The following EML6 variants were observed in gnomAD, a reference collection of about 807,000 sequenced individuals.
EML6 encodes EMAP like 6, also known as echinoderm microtubule-associated protein-like 6.
In EML6, 154 loss-of-function variants were observed where a neutral mutation model predicts 240.1. The observed-to-expected ratio is 0.64, with a 90% CI of 0.56 to 0.73. The LOEUF is 0.73. Among genes scored for constraint, EML6 ranks in the 30% least tolerant of loss-of-function variants. EML6 has a pLI of 0.00. For missense variants in EML6, 2,964 were observed against 2,474.6 expected (o/e 1.20, Z -4.20); for synonymous variants, 1,148 against 899.0 (o/e 1.28, Z -4.95).
intron 2 of EML6, among the ~76,000 whole-genome samples, chr2:54,736,400 C>G (rs78186341): frequency 0.011 from 1,731 of 152,290 alleles, 36 homozygotes; most frequent in African/African-American, 0.04. Context: ...TGCATGGGCT[C>G]TGTCTCTAAC....
chr2:54,725,165 A>T lies in EML6; in HGVS notation c.104A>T (p.Glu35Val), dbSNP rs1682850991. 1 of 1,533,064 alleles carries T rather than the reference A, an allele frequency of 6.5e-7. No individual in the cohort carries two copies. Among genetic ancestry groups the T allele is most frequent in the Non-Finnish European group, 8.8e-7 (1 of 1,137,996 alleles). 95.0% of individuals were successfully genotyped at this position (1,533,064 alleles called of 1,614,324 possible). The change falls in exon 2 of 42, where the codon GAG (glutamate) becomes GTG (valine). Residue 35 changes from glutamate (E) to valine (V), a missense_variant. Physicochemically the swap from Glu to Val is moderately radical, Grantham distance 121 (BLOSUM62 -2). Coordinates refer to ENST00000356458, the MANE Select transcript of EML6 (RefSeq NM_001039753.4). This position sits in a 1 kb window ranked among gnomAD's most constrained non-coding sequence, Gnocchi z 4.3. The stretch of plus-strand genomic sequence containing the variant: ...AACCTGTACTACACGGCAGGCAAGG[A>T]GGTGGTCTACTTTGTGGCTGGGGTC... ...RNNLYYTAGK[E>V]VVYFVAGVGV...
intron 34 of EML6, 108 bp downstream of exon 34, chr2:54,959,369 T>A (rs1055617695): frequency 1.0e-5 from 11 of 1,088,578 alleles, no homozygotes; most frequent in Non-Finnish European, 1.4e-5. Flanking sequence ...TCCTCCTATC[T>A]TTTTTGCATT....
intron 2 of EML6, among the ~76,000 whole-genome samples, chr2:54,762,545 AT>A (rs1668023301): frequency 6.6e-6 from 1 of 152,134 alleles, no homozygotes; most frequent in Non-Finnish European, 1.5e-5. Flanking sequence ...TCCGTTGCTA[AT>A]TTATGTCTGA....
intron 6 of EML6, 89 bp from the exon 7 acceptor site, chr2:54,829,253 T>G (rs941976774): frequency 7.7e-7 from 1 of 1,299,240 alleles, no homozygotes; most frequent in Admixed American, 2.6e-5. Flanking sequence ...GTTTTTGACT[T>G]GCTATGTTTT....
intron 6 of EML6, among the ~76,000 whole-genome samples, 162 bp from the exon 7 acceptor site, chr2:54,829,180 G>T (rs1324109115): frequency 6.6e-6 from 1 of 152,186 alleles, no homozygotes; most frequent in Non-Finnish European, 1.5e-5. Flanking sequence ...GATGAACAGT[G>T]TTATAAATGG....
intron 12 of EML6, among the ~76,000 whole-genome samples, chr2:54,861,753 T>C (rs1670683109): frequency 6.8e-6 from 1 of 148,016 alleles, no homozygotes; most frequent in Non-Finnish European, 1.5e-5. Flanking sequence ...TCTGACGAGA[T>C]AGGGAGAGGT....
In EML6 at chr2:54,914,951, C is replaced by G. The variant is rs1321671011; in HGVS notation, c.3499-1808C>G. Reference sequence around the variant, plus strand: ...GCAAACTCTCTGGAGCAAACCTCCCCCTTCGGCTTCCTAAGCATGCTGTGA... The same window carrying G: ...GCAAACTCTCTGGAGCAAACCTCCCGCTTCGGCTTCCTAAGCATGCTGTGA... On this transcript the variant is annotated intron_variant, in intron 25 of 41. Transcript: ENST00000356458. Among the ~76,000 whole-genome samples the G allele has an allele frequency of 2.0e-5, 3 of 152,146 alleles. No homozygotes were observed. In the East Asian group the frequency reaches 5.8e-4, roughly 29 times the overall value.
rs1682824177 is a variant in EML6 at position 54,724,743 on chromosome 2, G to A, written c.-319G>A. On this transcript the variant is annotated 5_prime_UTR_variant, in exon 2 of 42. Transcript: ENST00000356458. The surrounding 1 kb of genome is among the most constrained non-coding windows in gnomAD (Gnocchi z 5.2). Reference sequence around the variant, plus strand: ...AAAAGGCGGGGTGGCCCCCCCGAGAGCCTCTCCCGGGGGCCGGAGCCCGCA... The same window carrying A: ...AAAAGGCGGGGTGGCCCCCCCGAGAACCTCTCCCGGGGGCCGGAGCCCGCA... 1 of 152,722 alleles carries A rather than the reference G, an allele frequency of 6.5e-6. No individual in the cohort carries two copies. The highest frequency in any genetic ancestry group is 6.5e-5 in the Admixed American group (1 of 15,302). The allele number at this position is 152,722 out of a possible 1,614,324, so 9.5% of individuals were successfully genotyped here. A position where few individuals can be genotyped will look rare whatever the true frequency, so the allele number is the denominator to read the frequency against.
chr2:54,830,905 G>C (rs1296249899), intron 7 of EML6, among the ~76,000 whole-genome samples: 2 of 152,110 alleles, frequency 1.3e-5, no homozygotes, highest in Admixed American at 6.5e-5. Context: ...CTGAATACTA[G>C]GCACAGAGTT....
At chr2:54,956,171 G>A (rs1676223967) in intron 32 of EML6, among the ~76,000 whole-genome samples, 1 of 152,198 alleles carries the variant, frequency 6.6e-6, no homozygotes, top group African/African-American at 2.4e-5. Flanking sequence ...TCCACAATTA[G>A]AAGCGTCCAT....
chr2:54,962,201 T>C (rs1382127783), intron 35 of EML6, among the ~76,000 whole-genome samples: 1 of 151,682 alleles, frequency 6.6e-6, no homozygotes, highest in Non-Finnish European at 1.5e-5. Context: ...TCCCCAAGTT[T>C]TTCTAATAAT....
chr2:54,744,609 A>G (rs1487419796), intron 2 of EML6, among the ~76,000 whole-genome samples: 2 of 151,792 alleles, frequency 1.3e-5, no homozygotes, highest in African/African-American at 2.4e-5. Flanking sequence ...GACAGTGGAG[A>G]GGCAAAGGGG....
intron 11 of EML6, among the ~76,000 whole-genome samples, chr2:54,855,371 T>C (rs1670316902): frequency 6.6e-6 from 1 of 151,878 alleles, no homozygotes; most frequent in African/African-American, 2.4e-5. Context: ...CTCATGAAAA[T>C]TTGTTCACTT....
At chr2:54,752,975 G>A (rs1684241824) in intron 2 of EML6, among the ~76,000 whole-genome samples, 1 of 152,160 alleles carries the variant, frequency 6.6e-6, no homozygotes, top group Non-Finnish European at 1.5e-5. Context: ...TTTTAGTAGA[G>A]GCGGGGTTTC....
chr2:54,886,139 C>CT (rs34063699), intron 17 of EML6, among the ~76,000 whole-genome samples: 229 of 125,438 alleles, frequency 1.8e-3, no homozygotes, highest in Middle Eastern at 4.5e-3. Flanking sequence ...CAAATGTTTC[C>CT]TTTTTTTTTT....
chr2:54,896,456 G>T (rs1423529346), intron 21 of EML6, among the ~76,000 whole-genome samples: 2 of 152,148 alleles, frequency 1.3e-5, no homozygotes, highest in Admixed American at 6.5e-5. Flanking sequence ...GAACCTTTTA[G>T]GAGCCAAGAA....
chr2:54,968,663 C>A lies in EML6; in HGVS notation c.5752-5C>A, dbSNP rs1323964032. 2 of 1,542,510 alleles carry A rather than the reference C, an allele frequency of 1.3e-6. No individual in the cohort carries two copies. Among genetic ancestry groups the A allele is most frequent in the South Asian group, 1.2e-5 (1 of 83,838 alleles). On this transcript the variant is annotated splice_polypyrimidine_tract_variant and splice_region_variant and intron_variant, in intron 40 of 41. Coordinates refer to ENST00000356458, the MANE Select transcript of EML6 (RefSeq NM_001039753.4). ...TTAGCTGTCTCCATTCACTTTTGCTCACAGGCCAAACATAAGCGATACTTC... is the reference window on the plus strand; with the variant it reads ...TTAGCTGTCTCCATTCACTTTTGCTAACAGGCCAAACATAAGCGATACTTC...
intron 16 of EML6, among the ~76,000 whole-genome samples, chr2:54,879,053 A>G (rs1252891361): frequency 1.3e-5 from 2 of 152,252 alleles, no homozygotes; most frequent in Non-Finnish European, 2.9e-5. Flanking sequence ...TTTAGTTTCT[A>G]TAATGTTCCT....
rs951832947 is a variant in EML6 at position 54,844,373 on chromosome 2, C to T, written c.1049+125C>T. ...ACAGTTTCCAAATGAAACGTTAAGACATTTAGCTCATCAAGTGGGTTTTTG... is the reference window on the plus strand; with the variant it reads ...ACAGTTTCCAAATGAAACGTTAAGATATTTAGCTCATCAAGTGGGTTTTTG... On this transcript the variant is annotated intron_variant, in intron 8 of 41. Transcript: ENST00000356458. 9.7e-6 allele frequency: 7 copies of T among 720,854 alleles called. No homozygotes were observed. In the Admixed American group the frequency reaches 1.8e-4, roughly 19 times the overall value. 44.7% of individuals were successfully genotyped at this position (720,854 alleles called of 1,614,324 possible). A position where few individuals can be genotyped will look rare whatever the true frequency, so the allele number is the denominator to read the frequency against.
Sources: gnomAD v4.1 joint callset for allele counts (sites outside exome capture counted in the v4.1 genomes callset) on GRCh38, gnomAD v4.1.1 for gene constraint, Gnocchi (gnomAD v3.1) non-coding constraint, MANE v1.5 for transcripts, NCBI Gene and HGNC (gene_info 2026-07-23, HGNC 2026-07-21) for gene names.